GALNT16: variants seen among roughly 807,000 people sequenced by gnomAD.
The protein encoded by GALNT16 is polypeptide N-acetylgalactosaminyltransferase 16, also known as UDP-GalNAc:polypeptide N-acetylgalactosaminyltransferase-like protein 1.
A neutral mutation model predicts 76.1 loss-of-function variants in GALNT16; 40 were observed. The ratio of observed to expected loss-of-function variants is 0.53; its 90% confidence interval spans 0.41 to 0.68. The LOEUF (loss-of-function observed/expected upper bound fraction) is 0.68, where lower values mean the gene tolerates loss of function less well. GALNT16 is among the 30% of genes least tolerant of loss of function. GALNT16 has a pLI of 0.00. For missense variants in GALNT16, 621 were observed against 731.9 expected (o/e 0.85, Z 1.75); for synonymous variants, 276 against 285.2 (o/e 0.97, Z 0.32).
At chr14:69,288,028 CAG>C (rs1410435646) in intron 1 of GALNT16, among the ~76,000 whole-genome samples, 49 of 152,218 alleles carry the variant, frequency 3.2e-4, no homozygotes, top group African/African-American at 1.1e-3. Flanking sequence ...TTCTTGGGAT[CAG>C]TGACCCTCCA....
At chr14:69,272,834 A>G (rs2044423097) in intron 1 of GALNT16, among the ~76,000 whole-genome samples, 1 of 152,242 alleles carries the variant, frequency 6.6e-6, no homozygotes, top group Non-Finnish European at 1.5e-5. Context: ...GGACAGTAAT[A>G]TGCTGTACAG....
At chr14:69,315,323 G>A (rs926587201) in intron 1 of GALNT16, among the ~76,000 whole-genome samples, 4 of 152,202 alleles carry the variant, frequency 2.6e-5, no homozygotes, top group African/African-American at 7.2e-5. Flanking sequence ...TATTGGACAC[G>A]GAAGTGCTGG....
rs553092757 is a variant in GALNT16 at position 69,273,241 on chromosome 14, G to A, written c.177+12774G>A. Among the ~76,000 whole-genome samples, 8 of 152,352 alleles carry A rather than the reference G, an allele frequency of 5.3e-5. No homozygotes were observed. The South Asian group carries it at 1.5e-3, about 28-fold the overall frequency. On this transcript the variant is annotated intron_variant, in intron 1 of 14. Coordinates refer to ENST00000448469, the MANE Select transcript of GALNT16 (RefSeq NM_001168368.2). The stretch of plus-strand genomic sequence containing the variant: ...GCTGTGATGAAAATGGGTTTTGGAG[G>A]AGGGGTAGGAGCAGTGGAGGCGAGA...
At chr14:69,312,069 C>CTATCTATCTATCTA (rs1176289467) in intron 1 of GALNT16, among the ~76,000 whole-genome samples, 1 of 136,540 alleles carries the variant, frequency 7.3e-6, no homozygotes, top group Non-Finnish European at 1.7e-5. Context: ...GTCTATCTAT[C>CTATCTATCTATCTA]TATCTATCTA....
chr14:69,370,881 T>C, the GALNT16 span, among the ~76,000 whole-genome samples: 12 of 152,232 alleles, frequency 7.9e-5, no homozygotes. Flanking sequence ...GTGCGCCAAG[T>C]GCAAATCAAT....
intron 6 of GALNT16, among the ~76,000 whole-genome samples, chr14:69,328,829 A>G (rs972511941): frequency 4.6e-5 from 7 of 152,226 alleles, no homozygotes; most frequent in East Asian, 1.9e-4. Context: ...CCTGCTACAA[A>G]TGGGTGTTGT....
chr14:69,320,659 G>A, intron 1 of GALNT16, 52 bp from the exon 2 acceptor site: 1 of 1,564,268 alleles, frequency 6.4e-7, no homozygotes, highest in Non-Finnish European at 8.7e-7. Flanking sequence ...CACTCGCCAA[G>A]CAGTGGGGTC....
chr14:69,262,890 T>C (rs1489772957), intron 1 of GALNT16, among the ~76,000 whole-genome samples: 2 of 151,896 alleles, frequency 1.3e-5, no homozygotes, highest in South Asian at 2.1e-4. Flanking sequence ...TTTCTTTTTT[T>C]TTTTTTTGAG....
intron 1 of GALNT16, among the ~76,000 whole-genome samples, chr14:69,275,158 G>A (rs146720959): frequency 6.6e-6 from 1 of 152,330 alleles, no homozygotes; most frequent in East Asian, 1.9e-4. Context: ...AAGATAGAGG[G>A]ACTGGGGCAG....
chr14:69,295,135 C>T (rs879671299), intron 1 of GALNT16, among the ~76,000 whole-genome samples: 2 of 152,092 alleles, frequency 1.3e-5, no homozygotes, highest in Non-Finnish European at 2.9e-5. Flanking sequence ...TAACATTGGC[C>T]GGGTGCCATG....
chr14:69,330,919 T>C (rs2045344438), intron 6 of GALNT16, among the ~76,000 whole-genome samples: 1 of 152,118 alleles, frequency 6.6e-6, no homozygotes, highest in Non-Finnish European at 1.5e-5. Context: ...CTTGTAACAG[T>C]GGATGTGGTA....
At chr14:69,332,826 CTT>C (rs763996589) in intron 7 of GALNT16, among the ~76,000 whole-genome samples, 4 of 115,986 alleles carry the variant, frequency 3.4e-5, no homozygotes, top group Non-Finnish European at 6.0e-5. Context: ...TTGTTTTCTT[CTT>C]TTTTTTTTTT....
At chr14:69,287,866 T>A (rs546826317) in intron 1 of GALNT16, among the ~76,000 whole-genome samples, 1 of 152,236 alleles carries the variant, frequency 6.6e-6, no homozygotes, top group Non-Finnish European at 1.5e-5. Flanking sequence ...AGGGCCCAAA[T>A]CCTGTAGAAA....
chr14:69,296,805 C>CTAGATAGATAGA (rs71102640), intron 1 of GALNT16, among the ~76,000 whole-genome samples: 28 of 148,184 alleles, frequency 1.9e-4, no homozygotes, highest in Non-Finnish European at 2.8e-4. Context: ...ACAGATAGAG[C>CTAGATAGATAGA]TAGATAGATA....
chr14:69,323,009 C>T (rs1343709981), intron 2 of GALNT16, among the ~76,000 whole-genome samples: 1 of 127,430 alleles, frequency 7.8e-6, no homozygotes, highest in East Asian at 2.5e-4. Flanking sequence ...CGCATGCACA[C>T]GTGTAGGGAA....
intron 1 of GALNT16, among the ~76,000 whole-genome samples, chr14:69,316,158 C>T (rs536185089): frequency 1.3e-5 from 2 of 152,230 alleles, no homozygotes; most frequent in African/African-American, 4.8e-5. Flanking sequence ...CTGCCAGAAG[C>T]CTATGAGTGG....
chr14:69,351,945 G>C (rs192434076), intron 14 of GALNT16, 86 bp from the exon 15 acceptor site: 1 of 1,259,384 alleles, frequency 7.9e-7, no homozygotes, highest in Non-Finnish European at 1.1e-6. Flanking sequence ...AGGGCTGTGT[G>C]CATACATGTG....
At chr14:69,348,270 A>G (rs1007021110) in intron 14 of GALNT16, 2 of 583,866 alleles carry the variant, frequency 3.4e-6, no homozygotes, top group Non-Finnish European at 6.1e-6. Flanking sequence ...TTAACACTGT[A>G]TCCCTAGCTC....
intron 1 of GALNT16, among the ~76,000 whole-genome samples, chr14:69,280,447 G>A (rs1243869132): frequency 6.6e-6 from 1 of 152,140 alleles, no homozygotes; most frequent in African/African-American, 2.4e-5. Flanking sequence ...TCATCCATCA[G>A]TGAACCTCCC....
Sources: allele counts gnomAD v4.1 joint callset (sites outside exome capture counted in the v4.1 genomes callset), GRCh38; gene constraint gnomAD v4.1.1; transcripts MANE v1.5; gene names NCBI Gene and HGNC (gene_info 2026-07-23, HGNC 2026-07-21).